SLC7A14: variants seen among roughly 807,000 people sequenced by gnomAD.
SLC7A14 encodes the protein solute carrier family 7 member 14, also known as gamma-aminobutyric acid transporter SLC7A14.
Under a neutral mutation model 60.2 loss-of-function variants are expected in SLC7A14, and 37 were observed. That is an observed-to-expected ratio of 0.61 (90% confidence interval 0.47 to 0.81). The LOEUF is 0.81. Ranked by LOEUF, SLC7A14 falls within the 30% of genes least tolerant of loss-of-function variation. The pLI is 0.00. For missense variants in SLC7A14, 886 were observed against 982.7 expected, an observed-to-expected ratio of 0.90 and a Z score of 1.32; for synonymous variants, 399 against 395.8, an observed-to-expected ratio of 1.01 and a Z score of -0.10.
At chr3:170,550,892 G>T (rs1158792034) in intron 1 of SLC7A14, among the ~76,000 whole-genome samples, 3 of 152,064 alleles carry the variant, frequency 2.0e-5, no homozygotes, top group Non-Finnish European at 2.9e-5. Flanking sequence ...AAAGCGAAGT[G>T]TAATCCACAT....
At chr3:170,543,576 G>C (rs1230348147) in intron 1 of SLC7A14, among the ~76,000 whole-genome samples, 1 of 151,690 alleles carries the variant, frequency 6.6e-6, no homozygotes, top group Non-Finnish European at 1.5e-5. Flanking sequence ...TTGAACCCCA[G>C]AGGTTGTAGT....
intron 1 of SLC7A14, among the ~76,000 whole-genome samples, chr3:170,544,954 C>T (rs116023186): frequency 0.022 from 3,424 of 152,200 alleles, 114 homozygotes; most frequent in African/African-American, 0.077. Flanking sequence ...ATTTTCTGTG[C>T]GGTCTAATAC....
intron 2 of SLC7A14, among the ~76,000 whole-genome samples, chr3:170,523,831 A>G (rs6802900): frequency 0.6 from 91,087 of 151,996 alleles, 27,641 homozygotes; most frequent in Middle Eastern, 0.71. Context: ...AAAGTGGAAA[A>G]AAGACACTGG....
intron 4 of SLC7A14, 107 bp downstream of exon 4, chr3:170,498,560 G>T (rs1034767158): frequency 5.5e-6 from 5 of 914,982 alleles, no homozygotes; most frequent in Non-Finnish European, 8.4e-6. Context: ...GGGTGCTGTG[G>T]TAATTATGGA....
intron 4 of SLC7A14, among the ~76,000 whole-genome samples, chr3:170,490,458 C>T (rs761779289): frequency 1.2e-4 from 18 of 152,172 alleles, no homozygotes; most frequent in Non-Finnish European, 2.1e-4. Flanking sequence ...GGCACAACAA[C>T]CATATAAATT....
At chr3:170,494,141 A>G (rs995044957) in intron 4 of SLC7A14, among the ~76,000 whole-genome samples, 1 of 152,224 alleles carries the variant, frequency 6.6e-6, no homozygotes. Flanking sequence ...CTGGGATCGA[A>G]TTTCAGCTCT....
chr3:170,581,075 A>G (rs146810033), intron 1 of SLC7A14, among the ~76,000 whole-genome samples: 1 of 152,288 alleles, frequency 6.6e-6, no homozygotes, highest in East Asian at 1.9e-4. Context: ...ACCCCAACAG[A>G]TTTCAACTTA....
At chr3:170,538,514 G>T (rs2108298866) in intron 1 of SLC7A14, among the ~76,000 whole-genome samples, 1 of 152,242 alleles carries the variant, frequency 6.6e-6, no homozygotes, top group African/African-American at 2.4e-5. Flanking sequence ...TGGACCAATA[G>T]AACTTTAATT....
chr3:170,481,726 CT>C (rs1711831042), intron 6 of SLC7A14, among the ~76,000 whole-genome samples: 1 of 152,034 alleles, frequency 6.6e-6, no homozygotes, highest in Non-Finnish European at 1.5e-5. Context: ...AGGCAAAGTT[CT>C]TTAGTAAAGT....
chr3:170,566,481 G>A (rs887348966), intron 1 of SLC7A14, among the ~76,000 whole-genome samples: 5 of 152,148 alleles, frequency 3.3e-5, no homozygotes, highest in African/African-American at 4.8e-5. Flanking sequence ...GCAATGAAAT[G>A]CTCTTTTTCT....
chr3:170,467,228 C>T lies in SLC7A14; in HGVS notation c.2143G>A (p.Glu715Lys), dbSNP rs530931888. The change falls in exon 8 of 8, where the codon GAG becomes AAG. Residue 715 changes from glutamate to lysine, a missense_variant. By Grantham distance (56) the Glu-to-Lys change is moderately conservative. Transcript: ENST00000231706. Reference protein sequence around the residue: ...EEGFSYATEGESQEDWGGPTE... With the variant: ...EEGFSYATEGKSQEDWGGPTE... ...GGCCCGCCCCAGTCCTCCTGGCTCT[C>T]GCCCTCTGTGGCGTAGGAGAAACCC... 29 of 1,614,254 alleles carry T rather than the reference C, an allele frequency of 1.8e-5. No individual in the cohort carries two copies. In the Middle Eastern group the frequency reaches 9.9e-4, roughly 55 times the overall value.
At chr3:170,510,388 A>C (rs1487405998) in intron 2 of SLC7A14, among the ~76,000 whole-genome samples, 2 of 105,606 alleles carry the variant, frequency 1.9e-5, no homozygotes, top group African/African-American at 3.8e-5. Flanking sequence ...AGACTCTGTC[A>C]AAAAAAAAAA....
chr3:170,575,496 T>C (rs1322934264), intron 1 of SLC7A14, among the ~76,000 whole-genome samples: 2 of 152,224 alleles, frequency 1.3e-5, no homozygotes, highest in Non-Finnish European at 2.9e-5. Context: ...CAGGGTCTTA[T>C]CTATCACCTG....
At chr3:170,565,556 G>T (rs1560282208) in intron 1 of SLC7A14, among the ~76,000 whole-genome samples, 1 of 152,090 alleles carries the variant, frequency 6.6e-6, no homozygotes, top group Non-Finnish European at 1.5e-5. Flanking sequence ...CTCCTTGATG[G>T]GTCTGTAGAC....
At chr3:170,498,595 A>G (rs926747968) in intron 4 of SLC7A14, 72 bp downstream of exon 4, 1 of 1,374,700 alleles carries the variant, frequency 7.3e-7, no homozygotes, top group African/African-American at 1.4e-5. Flanking sequence ...TCTTGAAAAT[A>G]TGTCTTAGGT....
chr3:170,494,996 A>G (rs1488654445), intron 4 of SLC7A14, among the ~76,000 whole-genome samples: 2 of 152,320 alleles, frequency 1.3e-5, no homozygotes, highest in East Asian at 1.9e-4. Flanking sequence ...CGCAGCCTCT[A>G]TGAGGATTCT....
At position 170,467,151 on chromosome 3, in the gene SLC7A14, G is replaced by A. The variant is rs759018500; in HGVS notation, c.2220C>T (p.Asn740=). 1.9e-6 allele frequency: 3 copies of A among 1,614,234 alleles called. No homozygotes were observed. Among genetic ancestry groups the A allele is most frequent in the Admixed American group, 1.7e-5 (1 of 60,030 alleles). Residue 740 remains asparagine (N), a synonymous_variant, in exon 8 of 8, where the codon AAC becomes AAT. Coordinates refer to ENST00000231706, the MANE Select transcript of SLC7A14 (RefSeq NM_020949.3). ...YYQQMSDAKA[N]GRTSSKAKSK... ...TCTTCGCTTTGCTACTTGTCCGGCC[G>A]TTTGCCTTCGCATCTGACATCTGTT... is the stretch of plus-strand genomic sequence containing the variant.
intron 1 of SLC7A14, among the ~76,000 whole-genome samples, chr3:170,538,297 A>G (rs1202728783): frequency 6.6e-6 from 1 of 152,032 alleles, no homozygotes; most frequent in Non-Finnish European, 1.5e-5. Flanking sequence ...TGTTTTCTCT[A>G]TTCTCTGTAT....
chr3:170,571,878 G>A (rs1714964577), intron 1 of SLC7A14, among the ~76,000 whole-genome samples: 1 of 151,876 alleles, frequency 6.6e-6, no homozygotes, highest in African/African-American at 2.4e-5. Context: ...GGCCAATATG[G>A]TGAAACCCCA....
Sources: gnomAD v4.1 joint callset for allele counts (sites outside exome capture counted in the v4.1 genomes callset) on GRCh38, gnomAD v4.1.1 for gene constraint, MANE v1.5 for transcripts, NCBI Gene and HGNC (gene_info 2026-07-23, HGNC 2026-07-21) for gene names.